SPPL3: variants seen among roughly 807,000 people sequenced by gnomAD.
The protein encoded by SPPL3 is signal peptide peptidase like 3, also known as signal peptide peptidase-like 3.
A neutral mutation model predicts 42.4 loss-of-function variants in SPPL3; 5 were observed. The ratio of observed to expected loss-of-function variants is 0.12; its 90% CI spans 0.06 to 0.25. SPPL3 has a LOEUF of 0.25. Ranked by LOEUF, SPPL3 falls within the 10% of genes least tolerant of loss-of-function variation. The pLI, the probability that SPPL3 is intolerant of heterozygous loss-of-function variation, is 1.00. For missense variants in SPPL3, 235 were observed against 489.0 expected (o/e 0.48, Z 4.90); for synonymous variants, 195 against 181.8 (o/e 1.07, Z -0.58).
intron 1 of SPPL3, among the ~76,000 whole-genome samples, chr12:120,892,855 G>A (rs1190061075): frequency 1.3e-5 from 2 of 151,552 alleles, no homozygotes; most frequent in Non-Finnish European, 2.9e-5. Context: ...GGTGGCAGGC[G>A]CCTGTAGTCC....
chr12:120,895,427 C>CAA (rs11445980), intron 1 of SPPL3, among the ~76,000 whole-genome samples: 145 of 135,552 alleles, frequency 1.1e-3, no homozygotes, highest in Middle Eastern at 7.6e-3. Context: ...AACTCCATCT[C>CAA]AAAAAAAAAA....
At chr12:120,820,163 GGTT>G (rs1871011581) in intron 1 of SPPL3, among the ~76,000 whole-genome samples, 1 of 151,680 alleles carries the variant, frequency 6.6e-6, no homozygotes, top group African/African-American at 2.4e-5. Flanking sequence ...AAACACCAAA[GGTT>G]GTTAGAATTT....
intron 2 of SPPL3, among the ~76,000 whole-genome samples, chr12:120,808,090 T>C (rs1330195849): frequency 6.6e-6 from 1 of 151,260 alleles, no homozygotes; most frequent in Non-Finnish European, 1.5e-5. Flanking sequence ...TCTTTTCTTT[T>C]TTTTTTTTTT....
intron 3 of SPPL3, among the ~76,000 whole-genome samples, chr12:120,788,802 T>C (rs545050753): frequency 9.2e-5 from 14 of 152,324 alleles, no homozygotes; most frequent in African/African-American, 2.9e-4. Context: ...TATACTTTCT[T>C]TTTCTCAAAA....
intron 6 of SPPL3, among the ~76,000 whole-genome samples, chr12:120,772,863 C>A (rs190565121): frequency 6.6e-6 from 1 of 152,206 alleles, no homozygotes; most frequent in Non-Finnish European, 1.5e-5. Flanking sequence ...TGTTATCAAG[C>A]GCTCACTGAG....
chr12:120,871,502 C>T (rs1487068312), intron 1 of SPPL3, among the ~76,000 whole-genome samples: 1 of 152,044 alleles, frequency 6.6e-6, no homozygotes, highest in African/African-American at 2.4e-5. Flanking sequence ...GCTGTAATTC[C>T]AGCATTTTGG....
At chr12:120,831,517 G>A (rs1350302096) in intron 1 of SPPL3, among the ~76,000 whole-genome samples, 1 of 152,054 alleles carries the variant, frequency 6.6e-6, no homozygotes, top group Admixed American at 6.5e-5. Context: ...CACTTTGCAT[G>A]CTCACTGTTT....
At chr12:120,766,507 CTTGGGCAG>C (rs1159759090) in intron 9 of SPPL3, 135 bp from the exon 10 acceptor site, 7 of 614,888 alleles carry the variant, frequency 1.1e-5, no homozygotes, top group Non-Finnish European at 1.9e-5. Flanking sequence ...AAATGCCCAG[CTTGGGCAG>C]TTGAAGAAAT....
intron 2 of SPPL3, among the ~76,000 whole-genome samples, chr12:120,799,861 G>A (rs1437060769): frequency 6.6e-6 from 1 of 152,124 alleles, no homozygotes; most frequent in Non-Finnish European, 1.5e-5. Flanking sequence ...TATGACTGGG[G>A]TCCGGTAAAG....
chr12:120,894,534 T>C (rs1023836514), intron 1 of SPPL3, among the ~76,000 whole-genome samples: 4 of 152,120 alleles, frequency 2.6e-5, no homozygotes, highest in Non-Finnish European at 5.9e-5. Flanking sequence ...GAAGAAGAAA[T>C]GAACAAAACT....
intron 1 of SPPL3, among the ~76,000 whole-genome samples, chr12:120,884,564 A>C (rs771005324): frequency 6.6e-6 from 1 of 151,370 alleles, no homozygotes; most frequent in Admixed American, 6.6e-5. Flanking sequence ...AAAAAAAAAA[A>C]ACCAACTGTC....
intron 1 of SPPL3, among the ~76,000 whole-genome samples, chr12:120,894,373 A>G (rs1873735834): frequency 6.6e-6 from 1 of 152,194 alleles, no homozygotes; most frequent in South Asian, 2.1e-4. Context: ...ATAAGTTTAT[A>G]AAGTCAGAGT....
intron 3 of SPPL3, among the ~76,000 whole-genome samples, chr12:120,787,405 T>C (rs966554900): frequency 2.0e-5 from 3 of 152,162 alleles, no homozygotes; most frequent in Non-Finnish European, 2.9e-5. Flanking sequence ...AGGACTGATG[T>C]GCCATGGGAA....
intron 6 of SPPL3, among the ~76,000 whole-genome samples, chr12:120,777,938 T>TCTATA (rs1869386617): frequency 6.6e-6 from 1 of 152,050 alleles, no homozygotes; most frequent in African/African-American, 2.4e-5. Context: ...TCATCAAAGG[T>TCTATA]CTGTATAGTC....
intron 3 of SPPL3, among the ~76,000 whole-genome samples, chr12:120,789,192 G>A (rs1219119106): frequency 6.6e-6 from 1 of 152,166 alleles, no homozygotes. Flanking sequence ...AGTGGCTCAT[G>A]CCTATAATCC....
Position 120,854,053 on chromosome 12 carries a change from A to G in SPPL3, c.24-43167T>C, listed in dbSNP as rs116492731. On this transcript the variant is annotated intron_variant, in intron 1 of 10. Coordinates refer to ENST00000353487, the MANE Select transcript of SPPL3 (RefSeq NM_139015.5). Reference sequence around the variant, plus strand: ...GGAAAAAAAAGGCCAGAGGGAGAAGAAAACCCCACAGTGACAGTCAGTTCC... The same window carrying G: ...GGAAAAAAAAGGCCAGAGGGAGAAGGAAACCCCACAGTGACAGTCAGTTCC... Among the ~76,000 whole-genome samples the G allele has an allele frequency of 3.2e-3, 479 of 150,858 alleles. 6 individuals are homozygous for G. Among genetic ancestry groups the G allele is most frequent in the African/African-American group, 0.011 (458 of 41,032 alleles).
intron 1 of SPPL3, among the ~76,000 whole-genome samples, chr12:120,851,262 C>G (rs182875958): frequency 6.6e-6 from 1 of 152,210 alleles, no homozygotes; most frequent in Non-Finnish European, 1.5e-5. Flanking sequence ...AGCAGCAGCA[C>G]ATACCACTTC....
chr12:120,802,931 C>T (rs1475422972), intron 2 of SPPL3, among the ~76,000 whole-genome samples: 1 of 152,194 alleles, frequency 6.6e-6, no homozygotes, highest in Non-Finnish European at 1.5e-5. Flanking sequence ...AATACATTTT[C>T]ATGCAATGCC....
rs1015778986 is a variant in SPPL3, at chr12:120,806,785, T to G, written c.101+4024A>C. 3.3e-5 allele frequency among the ~76,000 whole-genome samples: 5 copies of G among 151,384 alleles called. No individual in the cohort carries two copies. In the South Asian group the frequency reaches 1.0e-3, roughly 32 times the overall value. On this transcript the variant is annotated intron_variant, in intron 2 of 10. Transcript: ENST00000353487. ...TGGCGTGAAGCCGGGAGGCAGAGCT[T>G]GCAGCGAGCTGAGATCACACCACTG...
Sources: allele counts gnomAD v4.1 joint callset (sites outside exome capture counted in the v4.1 genomes callset), GRCh38; gene constraint gnomAD v4.1.1; transcripts MANE v1.5; gene names NCBI Gene and HGNC (gene_info 2026-07-23, HGNC 2026-07-21).